LEMD1: variants seen among roughly 807,000 people sequenced by gnomAD.
LEMD1 encodes LEM domain containing 1.
Under a neutral mutation model 17.4 loss-of-function variants are expected in LEMD1, and 18 were observed. That is an observed-to-expected ratio of 1.04 (90% CI 0.72 to 1.54). LEMD1 has a LOEUF of 1.54. Ranked by LOEUF, LEMD1 falls within the 40% of genes most tolerant of loss-of-function variation. The probability of loss-of-function intolerance (pLI) is 0.00; values close to 1 mark genes in which losing one functional copy is unlikely to be tolerated. For synonymous variants in LEMD1, 88 were observed against 77.8 expected, an observed-to-expected ratio of 1.13 and a Z score of -0.69; for missense variants, 195 against 210.4, an observed-to-expected ratio of 0.93 and a Z score of 0.45.
At position 205,441,218 on chromosome 1, in the gene LEMD1, G is replaced by A. The variant is rs1226837866; in HGVS notation, c.-39+8650C>T. ...GTCTCTCACACCGGCTGGGGGAGGA[G>A]TCAAGCCTCTAAACAACAGCTCTTT... On this transcript the variant is annotated intron_variant, in intron 1 of 3. Transcript: ENST00000367154. This position sits in a 1 kb window ranked among gnomAD's most constrained non-coding sequence, Gnocchi z 4.3. 6.6e-6 allele frequency among the ~76,000 whole-genome samples: 1 copy of A among 152,166 alleles called. No individual in the cohort carries two copies. Among genetic ancestry groups the A allele is most frequent in the African/African-American group, 2.4e-5 (1 of 41,434 alleles).
chr1:205,434,785 GA>G (rs1183381156), intron 1 of LEMD1: 1 of 152,156 alleles, frequency 6.6e-6, no homozygotes, highest in Non-Finnish European at 1.5e-5. Flanking sequence ...AGATTTGATG[GA>G]AACAAATGTT....
rs199746310 is a variant in LEMD1 at position 205,381,886 on chromosome 1, G to T, written c.348-30C>A. 34 of 1,609,864 alleles carry T rather than the reference G, an allele frequency of 2.1e-5. No individual in the cohort carries two copies. In the Admixed American group the frequency reaches 3.7e-4, roughly 17 times the overall value. ...GAAAACATCAGTGGCTCTTAGGATT[G>T]TGGACAGCTGTGGTGCACTTGAGTA... On this transcript the variant is annotated intron_variant, in intron 5 of 5. Transcript: ENST00000367153.
At position 205,381,714 on chromosome 1, in the gene LEMD1, A is replaced by C. The variant is rs1214137115; in HGVS notation, c.490T>G (p.Phe164Val). ...AGGTAGACAAACACCACAATGATGA[A>C]AATACCAAGCACAGCAAGCTTCAAG... ...VGLKLAVLGIFIIVVFVYLTV... is the reference protein window; with the variant it reads ...VGLKLAVLGIVIIVVFVYLTV... The change falls in exon 6 of 6, where the codon TTC (phenylalanine) becomes GTC (valine). Residue 164 changes from phenylalanine to valine, a missense_variant. Phe to Val is a conservative substitution (Grantham distance 50). Transcript: ENST00000367153. The C allele has an allele frequency of 1.2e-6, 2 of 1,614,246 alleles. No individual in the cohort carries two copies. The highest frequency in any genetic ancestry group is 4.5e-5 in the East Asian group (2 of 44,884).
intron 4 of LEMD1, among the ~76,000 whole-genome samples, chr1:205,415,866 C>T (rs748446664): frequency 4.6e-5 from 7 of 152,112 alleles, no homozygotes; most frequent in Non-Finnish European, 7.3e-5. Flanking sequence ...GCTAGAAAAG[C>T]GAACGGGATG....
chr1:205,399,797 G>C (rs982753472), intron 4 of LEMD1, among the ~76,000 whole-genome samples: 14 of 152,200 alleles, frequency 9.2e-5, no homozygotes, highest in Non-Finnish European at 1.5e-5. Context: ...TTACATGAAT[G>C]AATGAGTGAG....
chr1:205,432,670 C>T (rs1396478048), intron 1 of LEMD1, among the ~76,000 whole-genome samples: 2 of 152,208 alleles, frequency 1.3e-5, no homozygotes, highest in Non-Finnish European at 2.9e-5. Context: ...CAGCCATGGG[C>T]AGAAGTCTGT....
chr1:205,440,348 G>C (rs1666271842), intron 1 of LEMD1, among the ~76,000 whole-genome samples: 1 of 152,214 alleles, frequency 6.6e-6, no homozygotes, highest in South Asian at 2.1e-4. Flanking sequence ...CCTCCTCACT[G>C]GGCTGGCCAC....
At chr1:205,394,546 A>G (rs977484645) in intron 4 of LEMD1, among the ~76,000 whole-genome samples, 7 of 151,900 alleles carry the variant, frequency 4.6e-5, no homozygotes, top group African/African-American at 1.7e-4. Context: ...CACCAAACCC[A>G]GCTAATTTTT....
intron 4 of LEMD1, among the ~76,000 whole-genome samples, chr1:205,398,233 C>T (rs931201548): frequency 3.9e-5 from 6 of 152,194 alleles, no homozygotes; most frequent in African/African-American, 1.4e-4. Context: ...TATACAACTA[C>T]TACTGGGAAT....
intron 1 of LEMD1, among the ~76,000 whole-genome samples, chr1:205,421,143 A>G: frequency 6.6e-6 from 1 of 152,158 alleles, no homozygotes. Flanking sequence ...CTGAATTGGC[A>G]TTTGAAAAAA....
intron 4 of LEMD1, among the ~76,000 whole-genome samples, chr1:205,392,055 G>A (rs746341520): frequency 1.3e-5 from 2 of 151,688 alleles, no homozygotes; most frequent in Non-Finnish European, 2.9e-5. Flanking sequence ...AGGTTTAAAT[G>A]AGCCAAGATC....
chr1:205,424,745 G>A (rs986780976), upstream of LEMD1, among the ~76,000 whole-genome samples: 6 of 152,132 alleles, frequency 3.9e-5, no homozygotes, highest in South Asian at 2.1e-4. Flanking sequence ...GAAGTAAGTC[G>A]GGTTGAATAG....
chr1:205,431,841 A>G (rs1210331351), intron 1 of LEMD1, among the ~76,000 whole-genome samples: 1 of 152,000 alleles, frequency 6.6e-6, no homozygotes, highest in Non-Finnish European at 1.5e-5. Flanking sequence ...CTCAGCCTCC[A>G]GAGTAGCTGG....
intron 4 of LEMD1, among the ~76,000 whole-genome samples, chr1:205,404,724 G>A (rs1313468437): frequency 6.6e-6 from 1 of 151,730 alleles, no homozygotes; most frequent in African/African-American, 2.4e-5. Context: ...ATTGTTATGT[G>A]TGAATTTGAT....
rs908795360 is a variant in LEMD1, at chr1:205,441,171, A to G, written c.-39+8697T>C. The G allele has an allele frequency of 6.6e-6, 1 of 151,890 alleles. No individual in the cohort carries two copies. Among genetic ancestry groups the G allele is most frequent in the African/African-American group, 2.4e-5 (1 of 41,366 alleles). The allele number at this position is 151,890 out of a possible 1,614,324, so 9.4% of individuals were successfully genotyped here. A position where few individuals can be genotyped will look rare whatever the true frequency, so the allele number is the denominator to read the frequency against. ...CTCTGGGTCTGGCCCAGTCATTGCC[A>G]CTCCCTGAGGCGGCCCGCTAGGTCT... On this transcript the variant is annotated intron_variant, in intron 1 of 3. Transcript: ENST00000367154. The surrounding 1 kb of genome is among the most constrained non-coding windows in gnomAD (Gnocchi z 4.3).
chr1:205,410,858 C>A (rs1221786403), intron 4 of LEMD1, among the ~76,000 whole-genome samples: 1 of 148,386 alleles, frequency 6.7e-6, no homozygotes, highest in African/African-American at 2.5e-5. Flanking sequence ...CAGAATGAGT[C>A]TCCGTGAGAA....
At chr1:205,421,031 A>C (rs535285847) in intron 1 of LEMD1, among the ~76,000 whole-genome samples, 1 of 151,832 alleles carries the variant, frequency 6.6e-6, no homozygotes. Flanking sequence ...AGTACAGAGC[A>C]TTCAGTTATT....
chr1:205,403,185 G>A (rs1464831410), intron 4 of LEMD1, among the ~76,000 whole-genome samples: 7 of 152,150 alleles, frequency 4.6e-5, no homozygotes, highest in South Asian at 2.1e-4. Context: ...GTCTCTGCCC[G>A]GCTTTGGTAT....
rs772576501 is a variant in LEMD1 at position 205,420,488 on chromosome 1, C to T, written c.49G>A (p.Glu17Lys). The T allele has an allele frequency of 3.1e-6, 5 of 1,613,956 alleles. No homozygotes were observed. In the East Asian group the frequency reaches 8.9e-5, roughly 29 times the overall value. Residue 17 changes from glutamate (E) to lysine (K), a missense_variant, in exon 2 of 6, where the codon GAG (glutamate) becomes AAG (lysine). By Grantham distance (56) the Glu-to-Lys change is moderately conservative (BLOSUM62 1). Transcript: ENST00000367153. ...LSDCKLQNQLEKLGFSPGPIL... is the reference protein window; with the variant it reads ...LSDCKLQNQLKKLGFSPGPIL... ...GGGCCAGGTGAAAATCCAAGCTTCT[C>T]AAGTTGGTTCTGCAATTTACAGTCA...
Sources: allele counts gnomAD v4.1 joint callset (sites outside exome capture counted in the v4.1 genomes callset), GRCh38; gene constraint gnomAD v4.1.1; non-coding constraint Gnocchi (gnomAD v3.1); transcripts MANE v1.5; gene names NCBI Gene and HGNC (gene_info 2026-07-23, HGNC 2026-07-21).